The following RSU1 variants were observed in gnomAD, a reference collection of about 807,000 sequenced individuals.
RSU1 encodes the protein rsu-1.
In RSU1, 26 loss-of-function variants were observed where a neutral mutation model predicts 31.1. The ratio of observed to expected loss-of-function variants is 0.84; its 90% CI spans 0.61 to 1.16. RSU1 has a LOEUF of 1.16. Ranked by LOEUF, RSU1 falls within the 50% of genes most tolerant of loss-of-function variation. RSU1 has a pLI of 0.00. For synonymous variants in RSU1, 164 were observed against 136.3 expected (o/e 1.20, Z -1.41); for missense variants, 320 against 339.1 (o/e 0.94, Z 0.44).
intron 7 of RSU1, among the ~76,000 whole-genome samples, chr10:16,727,363 G>A (rs1836420636): frequency 6.6e-6 from 1 of 152,114 alleles, no homozygotes; most frequent in Non-Finnish European, 1.5e-5. Flanking sequence ...ATAAATACGT[G>A]TTTCTGGCAA....
chr10:16,691,741 T>C (rs1026662933), intron 8 of RSU1, among the ~76,000 whole-genome samples: 5 of 145,638 alleles, frequency 3.4e-5, no homozygotes, highest in Non-Finnish European at 6.0e-5. Context: ...TTTTTTTTTT[T>C]TTTTTTTGTT....
At chr10:16,726,953 G>A (rs1432461433) in intron 7 of RSU1, 1 of 420,122 alleles carries the variant, frequency 2.4e-6, no homozygotes, top group Non-Finnish European at 4.8e-6. Context: ...CAAGATGACA[G>A]ATTCTGATGA....
At chr10:16,687,475 G>C (rs959858756) in intron 8 of RSU1, among the ~76,000 whole-genome samples, 9 of 152,132 alleles carry the variant, frequency 5.9e-5, no homozygotes, top group African/African-American at 2.2e-4. Flanking sequence ...CTAGTTACCT[G>C]TGAAGTATAT....
chr10:16,631,447 G>A (rs1161138477), intron 8 of RSU1, among the ~76,000 whole-genome samples: 2 of 152,174 alleles, frequency 1.3e-5, no homozygotes, highest in Admixed American at 1.3e-4. Flanking sequence ...AGCCTCACAA[G>A]GAGGGGAAAC....
chr10:16,813,232 A>C (rs1363684397), intron 2 of RSU1, among the ~76,000 whole-genome samples: 1 of 152,236 alleles, frequency 6.6e-6, no homozygotes, highest in African/African-American at 2.4e-5. Context: ...GCCATGTTAA[A>C]ACAAAATGAT....
At chr10:16,760,681 T>C (rs758572086) in intron 4 of RSU1, among the ~76,000 whole-genome samples, 1 of 152,114 alleles carries the variant, frequency 6.6e-6, no homozygotes, top group Non-Finnish European at 1.5e-5. Flanking sequence ...AATGAAGGTA[T>C]CATTCCATCC....
intron 7 of RSU1, 89 bp downstream of exon 7, chr10:16,752,450 G>T (rs981749124): frequency 3.2e-6 from 3 of 923,538 alleles, no homozygotes; most frequent in South Asian, 1.4e-5. Flanking sequence ...TAGTTGCCAA[G>T]AAGAGGACAG....
At chr10:16,790,092 A>G (rs887349696) in intron 2 of RSU1, among the ~76,000 whole-genome samples, 2 of 152,200 alleles carry the variant, frequency 1.3e-5, no homozygotes. Context: ...CCTGTGATTT[A>G]TGATTTTTTT....
intron 7 of RSU1, among the ~76,000 whole-genome samples, chr10:16,732,177 C>CA (rs1397812539): frequency 6.6e-6 from 1 of 152,142 alleles, no homozygotes; most frequent in Non-Finnish European, 1.5e-5. Flanking sequence ...CATAGCCTAA[C>CA]AACAGTTTAA....
intron 7 of RSU1, among the ~76,000 whole-genome samples, chr10:16,744,344 C>T (rs1836807354): frequency 6.6e-6 from 1 of 151,880 alleles, no homozygotes; most frequent in Non-Finnish European, 1.5e-5. Context: ...ACTGATATAA[C>T]AAATGAAGCA....
intron 8 of RSU1, among the ~76,000 whole-genome samples, chr10:16,683,013 C>T (rs1393668524): frequency 6.6e-6 from 1 of 152,164 alleles, no homozygotes; most frequent in Non-Finnish European, 1.5e-5. Context: ...GAATTCAAAG[C>T]AGCTTTTGTT....
intron 5 of RSU1, 81 bp downstream of exon 5, chr10:16,754,790 T>A: frequency 1.2e-6 from 1 of 818,294 alleles, no homozygotes; most frequent in Non-Finnish European, 2.0e-6. Context: ...TCTCTTGGAG[T>A]TTGGGTCCTG....
chr10:16,679,711 C>G (rs1400371946), intron 8 of RSU1, among the ~76,000 whole-genome samples: 2 of 152,024 alleles, frequency 1.3e-5, no homozygotes, highest in African/African-American at 4.8e-5. Flanking sequence ...GGGTCCATTC[C>G]CAGCAGCTCT....
intron 8 of RSU1, among the ~76,000 whole-genome samples, chr10:16,639,927 T>C (rs1455224688): frequency 6.6e-6 from 1 of 152,236 alleles, no homozygotes; most frequent in Non-Finnish European, 1.5e-5. Context: ...TCAGAAGTTG[T>C]ATGCTTTTTA....
intron 4 of RSU1, among the ~76,000 whole-genome samples, chr10:16,762,613 A>G (rs1588519123): frequency 2.6e-5 from 4 of 152,114 alleles, no homozygotes; most frequent in Admixed American, 6.5e-5. Context: ...TGGATCTCAT[A>G]AAGTTGGTCC....
chr10:16,728,326 A>T (rs1039603512), intron 7 of RSU1, among the ~76,000 whole-genome samples: 1 of 152,156 alleles, frequency 6.6e-6, no homozygotes, highest in Non-Finnish European at 1.5e-5. Flanking sequence ...ATGAGGGAGG[A>T]GAGCAAAATA....
intron 2 of RSU1, among the ~76,000 whole-genome samples, chr10:16,789,711 C>T (rs984138053): frequency 6.6e-6 from 1 of 152,230 alleles, no homozygotes; most frequent in African/African-American, 2.4e-5. Flanking sequence ...ACCGTAATCA[C>T]ACCTGGTAGA....
intron 7 of RSU1, among the ~76,000 whole-genome samples, chr10:16,702,390 C>T (rs960098662): frequency 6.6e-6 from 1 of 152,208 alleles, no homozygotes; most frequent in Non-Finnish European, 1.5e-5. Context: ...GAACCCTGCA[C>T]CGGGAAAAGC....
At chr10:16,645,617 G>C (rs1159408745) in intron 8 of RSU1, among the ~76,000 whole-genome samples, 1 of 151,602 alleles carries the variant, frequency 6.6e-6, no homozygotes, top group East Asian at 2.0e-4. Context: ...GGACCAGGCT[G>C]GGCAACATGG....
Sources: allele counts gnomAD v4.1 joint callset (sites outside exome capture counted in the v4.1 genomes callset), GRCh38; gene constraint gnomAD v4.1.1; transcripts MANE v1.5; gene names NCBI Gene and HGNC (gene_info 2026-07-23, HGNC 2026-07-21).